The following TLE4 variants were observed in gnomAD, a reference collection of about 807,000 sequenced individuals.
TLE4 encodes the protein transducin-like enhancer protein 4.
A neutral mutation model predicts 92.8 loss-of-function variants in TLE4; 8 were observed. The ratio of observed to expected loss-of-function variants is 0.09; its 90% CI spans 0.05 to 0.16. The LOEUF (loss-of-function observed/expected upper bound fraction) is 0.16. Among genes scored for constraint, TLE4 ranks in the 10% least tolerant of loss-of-function variants. TLE4 has a pLI of 1.00. For missense variants in TLE4, 675 were observed against 997.6 expected (o/e 0.68, Z 4.36); for synonymous variants, 371 against 374.1 (o/e 0.99, Z 0.10).
At chr9:79,645,248 A>G (rs1387184963) in intron 6 of TLE4, among the ~76,000 whole-genome samples, 4 of 152,202 alleles carry the variant, frequency 2.6e-5, no homozygotes, top group Admixed American at 2.6e-4. Flanking sequence ...TTAGAAACCA[A>G]AATATGAGCA....
intron 4 of TLE4, chr9:79,580,497 G>C (rs997070368): frequency 1.3e-5 from 2 of 152,156 alleles, no homozygotes; most frequent in Non-Finnish European, 2.9e-5. Context: ...CTTGAATCTA[G>C]GGTGCAGTAA....
rs541854277 is a variant in TLE4, at chr9:79,573,604, C to G, written c.46-85C>G. On this transcript the variant is annotated intron_variant, in intron 1 of 19. Transcript: ENST00000376552. ...TGCGTGCGCGATGACCCTCACCCCC[C>G]GCTAACGCCGCATAGTAGGTTTTCT... 5 of 1,169,512 alleles carry G rather than the reference C, an allele frequency of 4.3e-6. No homozygotes were observed. In the South Asian group the frequency reaches 4.7e-5, roughly 11 times the overall value. The allele number at this position is 1,169,512 out of a possible 1,614,324, so 72.4% of individuals were successfully genotyped here. A position where few individuals can be genotyped will look rare whatever the true frequency, so the allele number is the denominator to read the frequency against.
At chr9:79,692,044 T>C (rs912337703) in intron 8 of TLE4, among the ~76,000 whole-genome samples, 4 of 152,092 alleles carry the variant, frequency 2.6e-5, no homozygotes, top group Non-Finnish European at 5.9e-5. Context: ...TCCTGCTTTG[T>C]TATTGATAAG....
chr9:79,629,047 T>C (rs192161451), intron 6 of TLE4, among the ~76,000 whole-genome samples: 1 of 152,252 alleles, frequency 6.6e-6, no homozygotes, highest in African/African-American at 2.4e-5. Context: ...CTCTACTGTT[T>C]ACCATGGAGA....
intron 8 of TLE4, among the ~76,000 whole-genome samples, chr9:79,694,409 A>C (rs112672853): frequency 6.6e-6 from 1 of 152,216 alleles, no homozygotes; most frequent in African/African-American, 2.4e-5. Flanking sequence ...ATTTTGGCAC[A>C]TGCTTGGTGA....
At chr9:79,690,741 A>G (rs1214753038) in intron 8 of TLE4, among the ~76,000 whole-genome samples, 3 of 146,298 alleles carry the variant, frequency 2.1e-5, no homozygotes, top group Non-Finnish European at 4.5e-5. Flanking sequence ...CCTTCCCACA[A>G]GGTAGTTGGG....
intron 10 of TLE4, among the ~76,000 whole-genome samples, 183 bp from the exon 11 acceptor site, chr9:79,706,564 A>G (rs911017291): frequency 1.3e-5 from 2 of 151,998 alleles, no homozygotes; most frequent in African/African-American, 4.8e-5. Flanking sequence ...AAATACTATA[A>G]TTTTGGGGCC....
Position 79,572,389 on chromosome 9 carries a change from G to T in TLE4, c.-402G>T, listed in dbSNP as rs973972610. 1 of 152,214 alleles carries T rather than the reference G, an allele frequency of 6.6e-6. No individual in the cohort carries two copies. The highest frequency in any genetic ancestry group is 2.4e-5 in the African/African-American group (1 of 41,444). The allele number at this position is 152,214 out of a possible 1,614,324, so 9.4% of individuals were successfully genotyped here. A position where few individuals can be genotyped will look rare whatever the true frequency, so the allele number is the denominator to read the frequency against. ...TTAAAAGACAAATAAAAAAAGTTTGGAGTGGGACGCAGAGCGAGCGAGAGG... is the reference window on the plus strand; with the variant it reads ...TTAAAAGACAAATAAAAAAAGTTTGTAGTGGGACGCAGAGCGAGCGAGAGG... On this transcript the variant is annotated 5_prime_UTR_variant, in exon 1 of 20. Coordinates refer to ENST00000376552, the MANE Select transcript of TLE4 (RefSeq NM_007005.6).
At chr9:79,678,683 A>C (rs899572255) in intron 8 of TLE4, among the ~76,000 whole-genome samples, 3 of 151,866 alleles carry the variant, frequency 2.0e-5, no homozygotes, top group Non-Finnish European at 4.4e-5. Flanking sequence ...CAGGTTTGTT[A>C]CATATGTATA....
chr9:79,692,830 C>T (rs1249901002), intron 8 of TLE4, among the ~76,000 whole-genome samples: 1 of 152,138 alleles, frequency 6.6e-6, no homozygotes, highest in African/African-American at 2.4e-5. Context: ...AAGGCACAGC[C>T]TCCAAATACC....
chr9:79,678,728 G>C (rs12344757), intron 8 of TLE4, among the ~76,000 whole-genome samples: 1 of 151,324 alleles, frequency 6.6e-6, no homozygotes, highest in Admixed American at 6.6e-5. Flanking sequence ...CCATTAACTC[G>C]TCATTTATCA....
intron 4 of TLE4, among the ~76,000 whole-genome samples, chr9:79,604,979 C>T (rs959496695): frequency 6.6e-6 from 1 of 151,220 alleles, no homozygotes; most frequent in African/African-American, 2.4e-5. Context: ...TTATTTATGT[C>T]AGTAGGAAAG....
intron 6 of TLE4, among the ~76,000 whole-genome samples, chr9:79,650,837 G>T (rs776535215): frequency 1.6e-4 from 25 of 152,110 alleles, no homozygotes; most frequent in Non-Finnish European, 3.2e-4. Flanking sequence ...AGTGCATGTA[G>T]CCAGAACATA....
In TLE4 at chr9:79,722,984, G is replaced by A. The variant is rs1420454789; in HGVS notation, c.2163G>A (p.Lys721=). 7 of 1,614,206 alleles carry A rather than the reference G, an allele frequency of 4.3e-6. No individual in the cohort carries two copies. Among genetic ancestry groups the A allele is most frequent in the Non-Finnish European group, 4.2e-6 (5 of 1,180,026 alleles). ...HCGKWFVSTG[K]DNLLNAWRTP... ...GCAAATGGTTTGTAAGCACTGGAAAGGACAACCTTCTGAATGCCTGGAGAA... is the reference window on the plus strand; with the variant it reads ...GCAAATGGTTTGTAAGCACTGGAAAAGACAACCTTCTGAATGCCTGGAGAA... Residue 721 remains lysine, a synonymous_variant, in exon 19 of 20, where the codon AAG becomes AAA. Transcript: ENST00000376552.
chr9:79,590,627 G>GT (rs960771461), intron 4 of TLE4, among the ~76,000 whole-genome samples: 12 of 152,176 alleles, frequency 7.9e-5, no homozygotes, highest in East Asian at 3.9e-4. Context: ...TGATAGGAGG[G>GT]TTTTTTTATA....
At chr9:79,598,092 A>C (rs904045573) in intron 4 of TLE4, among the ~76,000 whole-genome samples, 24 of 150,500 alleles carry the variant, frequency 1.6e-4, no homozygotes, top group South Asian at 1.0e-3. Context: ...AAAAAAAAAA[A>C]AAAAAACTTA....
intron 5 of TLE4, among the ~76,000 whole-genome samples, chr9:79,623,032 A>G (rs1288274238): frequency 6.6e-6 from 1 of 152,136 alleles, no homozygotes; most frequent in Non-Finnish European, 1.5e-5. Context: ...TATGGGGAGT[A>G]CTTTTTAAAT....
intron 6 of TLE4, among the ~76,000 whole-genome samples, chr9:79,630,247 A>G (rs1459275071): frequency 4.6e-5 from 7 of 152,214 alleles, no homozygotes; most frequent in African/African-American, 1.7e-4. Flanking sequence ...CGAGTGATCC[A>G]TGCAGTTTAA....
At chr9:79,699,494 A>G (rs1930259) in intron 8 of TLE4, among the ~76,000 whole-genome samples, 114,209 of 152,132 alleles carry the variant, frequency 0.75, 43,328 homozygotes, top group South Asian at 0.83. Flanking sequence ...AGGGCAAACC[A>G]GGACTTGCAA....
Sources: allele counts gnomAD v4.1 joint callset (sites outside exome capture counted in the v4.1 genomes callset), GRCh38; gene constraint gnomAD v4.1.1; transcripts MANE v1.5; gene names NCBI Gene and HGNC (gene_info 2026-07-23, HGNC 2026-07-21).